RBFOX1: variants seen among roughly 807,000 people sequenced by gnomAD.
The protein encoded by RBFOX1 is RNA binding fox-1 homolog 1.
Under a neutral mutation model 57.7 loss-of-function variants are expected in RBFOX1, and 8 were observed. The observed-to-expected ratio is 0.14, with a 90% CI of 0.08 to 0.25. The LOEUF is 0.25. Ranked by LOEUF, RBFOX1 falls within the 10% of genes least tolerant of loss-of-function variation. RBFOX1 has a pLI of 1.00. For missense variants in RBFOX1, 611 were observed against 548.5 expected (o/e 1.11, Z -1.14); for synonymous variants, 326 against 222.4 (o/e 1.47, Z -4.15).
intron 2 of RBFOX1, among the ~76,000 whole-genome samples, chr16:6,372,783 T>A (rs892792653): frequency 3.4e-5 from 5 of 145,958 alleles, no homozygotes; most frequent in Non-Finnish European, 7.5e-5. Flanking sequence ...GTAGGAGTAT[T>A]GTTGGGTGGA....
intron 4 of RBFOX1, among the ~76,000 whole-genome samples, chr16:7,209,597 G>A (rs2090711001): frequency 6.6e-6 from 1 of 152,138 alleles, no homozygotes; most frequent in Admixed American, 6.5e-5. Flanking sequence ...CATCAAAAAT[G>A]GCTCCTCTTA....
intron 3 of RBFOX1, among the ~76,000 whole-genome samples, chr16:5,669,609 G>A (rs556445942): frequency 1.8e-4 from 27 of 152,066 alleles, no homozygotes; most frequent in African/African-American, 5.5e-4. Context: ...TATTAGAGAC[G>A]GGGTTTCACC....
intron 4 of RBFOX1, among the ~76,000 whole-genome samples, chr16:7,189,077 G>C (rs140005849): frequency 6.6e-6 from 1 of 151,634 alleles, no homozygotes; most frequent in East Asian, 2.0e-4. Context: ...TCAATGGATA[G>C]AATCCTCATA....
chr16:5,978,367 A>T (rs944023415), intron 4 of RBFOX1, among the ~76,000 whole-genome samples: 4 of 152,040 alleles, frequency 2.6e-5, no homozygotes, highest in African/African-American at 9.7e-5. Flanking sequence ...GTATTTGGGG[A>T]TAATTTTGGA....
intron 4 of RBFOX1, among the ~76,000 whole-genome samples, chr16:7,067,522 CT>C (rs2056365711): frequency 6.7e-6 from 1 of 149,748 alleles, no homozygotes; most frequent in South Asian, 2.1e-4. Flanking sequence ...TCCCTGTTTT[CT>C]TTTTTTGTTT....
rs147355737 is a variant in RBFOX1 at position 6,322,320 on chromosome 16, T to A, written c.-64+5263T>A. Among the ~76,000 whole-genome samples the A allele has an allele frequency of 4.6e-3, 707 of 152,276 alleles. 3 individuals carry two copies. The highest frequency in any genetic ancestry group is 0.016 in the African/African-American group (683 of 41,564). Reference sequence around the variant, plus strand: ...TGAATAAGCTCATCCTTACCTAACATTTTATCTTTTCTCCATGAATCCCTC... The same window carrying A: ...TGAATAAGCTCATCCTTACCTAACAATTTATCTTTTCTCCATGAATCCCTC... On this transcript the variant is annotated intron_variant, in intron 2 of 15. Coordinates refer to ENST00000550418, the MANE Select transcript of RBFOX1 (RefSeq NM_018723.4).
chr16:6,375,238 C>G (rs1319371514), intron 2 of RBFOX1, among the ~76,000 whole-genome samples: 3 of 152,062 alleles, frequency 2.0e-5, no homozygotes, highest in Admixed American at 6.6e-5. Flanking sequence ...AGGGAATTCT[C>G]CATGTCATTC....
chr16:6,364,359 T>C (rs1176244506), intron 2 of RBFOX1, among the ~76,000 whole-genome samples: 1 of 152,182 alleles, frequency 6.6e-6, no homozygotes, highest in Non-Finnish European at 1.5e-5. Context: ...CTCCTCTTCC[T>C]CTTTCTTTCT....
At chr16:7,585,732 T>A (rs2094078970) in intron 6 of RBFOX1, among the ~76,000 whole-genome samples, 1 of 152,220 alleles carries the variant, frequency 6.6e-6, no homozygotes, top group Admixed American at 6.5e-5. Context: ...GAGGGTGGAT[T>A]TCTTTGTCCA....
intron 12 of RBFOX1, among the ~76,000 whole-genome samples, chr16:7,664,259 T>C (rs1192830781): frequency 6.6e-6 from 1 of 152,188 alleles, no homozygotes; most frequent in Non-Finnish European, 1.5e-5. Flanking sequence ...ATGCACACAA[T>C]GCACTTGTAC....
intron 4 of RBFOX1, among the ~76,000 whole-genome samples, chr16:7,299,114 A>T (rs1826712119): frequency 1.3e-5 from 2 of 152,234 alleles, no homozygotes; most frequent in African/African-American, 4.8e-5. Context: ...TGAGCACCAA[A>T]ATATTAATAT....
chr16:7,390,306 A>G (rs1196261066), intron 4 of RBFOX1, among the ~76,000 whole-genome samples: 1 of 152,158 alleles, frequency 6.6e-6, no homozygotes, highest in Non-Finnish European at 1.5e-5. Context: ...AGGTAAACCA[A>G]TTTTCCCATA....
At chr16:7,021,583 T>G (rs1031999269) in intron 3 of RBFOX1, among the ~76,000 whole-genome samples, 2 of 145,870 alleles carry the variant, frequency 1.4e-5, no homozygotes, top group Admixed American at 1.4e-4. Context: ...ATAAAATATA[T>G]AAAAGTAAAA....
intron 4 of RBFOX1, among the ~76,000 whole-genome samples, chr16:6,010,112 G>A (rs1014504654): frequency 9.9e-5 from 15 of 151,994 alleles, no homozygotes; most frequent in African/African-American, 3.6e-4. Context: ...GAATACTGAG[G>A]GTGCTGTGTT....
At chr16:5,414,845 C>T (rs1292328339) in intron 1 of RBFOX1, among the ~76,000 whole-genome samples, 1 of 152,084 alleles carries the variant, frequency 6.6e-6, no homozygotes, top group African/African-American at 2.4e-5. Context: ...CGGTGGGATT[C>T]TTCTTGAGGA....
exon 1 of RBFOX1, chr16:5,239,991 G>A (rs1245514927): frequency 6.5e-7 from 1 of 1,530,580 alleles, no homozygotes; most frequent in Non-Finnish European, 8.7e-7. Flanking sequence ...AGAAGAGGCT[G>A]CGGCTGGGGC....
At chr16:6,900,463 C>A (rs13332344) in intron 3 of RBFOX1, among the ~76,000 whole-genome samples, 26,223 of 152,142 alleles carry the variant, frequency 0.17, 2,387 homozygotes, top group South Asian at 0.28. Context: ...TATTGATTTC[C>A]CGTTGCTCTT....
intron 4 of RBFOX1, among the ~76,000 whole-genome samples, chr16:7,195,248 C>G (rs9806815): frequency 0.41 from 62,069 of 151,976 alleles, 13,162 homozygotes; most frequent in Non-Finnish European, 0.47. Flanking sequence ...GATAATGTCT[C>G]TGGCTGAGCC....
At chr16:6,822,767 C>T (rs1235488121) in intron 3 of RBFOX1, among the ~76,000 whole-genome samples, 1 of 152,154 alleles carries the variant, frequency 6.6e-6, no homozygotes, top group Non-Finnish European at 1.5e-5. Context: ...CCAGAAGAAC[C>T]TATGGGACAA....
Sources: gnomAD v4.1 joint callset for allele counts (sites outside exome capture counted in the v4.1 genomes callset) on GRCh38, gnomAD v4.1.1 for gene constraint, MANE v1.5 for transcripts, NCBI Gene and HGNC (gene_info 2026-07-23, HGNC 2026-07-21) for gene names.